The following ZNF451 variants were observed in gnomAD, a reference collection of about 807,000 sequenced individuals.
ZNF451 encodes zinc finger protein 451, also known as E3 SUMO-protein ligase ZNF451.
Under a neutral mutation model 107.1 loss-of-function variants are expected in ZNF451, and 80 were observed. That is an observed-to-expected ratio of 0.75 (90% CI 0.62 to 0.90). The LOEUF (loss-of-function observed/expected upper bound fraction) is 0.90, where lower values mean the gene tolerates loss of function less well. ZNF451 is among the 40% of genes least tolerant of loss of function. The pLI is 0.00. For synonymous variants in ZNF451, 362 were observed against 406.5 expected (o/e 0.89, Z 1.32); for missense variants, 1,107 against 1,236.2 (o/e 0.90, Z 1.57).
chr6:57,093,043 CTTATTTAGGTCTGTTGTTCTTAT>C (rs1829125617), intron 2 of ZNF451: 1 of 152,122 alleles, frequency 6.6e-6, no homozygotes, highest in African/African-American at 2.4e-5. Context: ...ACAAAAACTT[CTTATTTAGGTCTGTTGTTCTTAT>C]TTCTGTTTAG....
In ZNF451 at chr6:57,102,684, T is replaced by C. The variant is rs1362418156; in HGVS notation, c.186+3543T>C. The C allele has an allele frequency of 3.0e-6, 3 of 985,348 alleles. No homozygotes were observed. In the African/African-American group the frequency reaches 5.2e-5, roughly 17 times the overall value. 61.0% of individuals were successfully genotyped at this position (985,348 alleles called of 1,614,324 possible). ...GACTTCAGAATCAGCCATGAAGCTT[T>C]GTGTCAACTGGAATTCAAATCAAAT... On this transcript the variant is annotated intron_variant, in intron 3 of 14. Transcript: ENST00000370706.
intron 2 of ZNF451, among the ~76,000 whole-genome samples, chr6:57,097,057 A>G (rs1276136156): frequency 2.6e-5 from 4 of 152,122 alleles, no homozygotes; most frequent in African/African-American, 9.7e-5. Context: ...GGTGTGAGCC[A>G]CCGTGCATGG....
chr6:57,095,326 CTTTTTTTT>C (rs764972958), intron 2 of ZNF451, among the ~76,000 whole-genome samples: 1 of 107,806 alleles, frequency 9.3e-6, no homozygotes, highest in Non-Finnish European at 1.9e-5. Flanking sequence ...TTCTGTGATA[CTTTTTTTT>C]TTTTTTTTTT....
At chr6:57,166,885 G>A (rs368561052) in intron 14 of ZNF451, among the ~76,000 whole-genome samples, 1 of 152,156 alleles carries the variant, frequency 6.6e-6, no homozygotes, top group East Asian at 1.9e-4. Flanking sequence ...TGGGACCACT[G>A]TTGTATATGT....
At chr6:57,140,775 A>G (rs1831716788) in intron 7 of ZNF451, among the ~76,000 whole-genome samples, 1 of 152,190 alleles carries the variant, frequency 6.6e-6, no homozygotes, top group South Asian at 2.1e-4. Flanking sequence ...ATACCAGCTG[A>G]TTTTTAGGGA....
chr6:57,142,545 T>C (rs1831823199), intron 9 of ZNF451, among the ~76,000 whole-genome samples: 1 of 152,246 alleles, frequency 6.6e-6, no homozygotes, highest in South Asian at 2.1e-4. Context: ...TTGTTCCTTC[T>C]TATTGGTAAG....
chr6:57,136,955 C>T (rs1162878129), intron 7 of ZNF451, among the ~76,000 whole-genome samples: 3 of 152,190 alleles, frequency 2.0e-5, no homozygotes, highest in Non-Finnish European at 4.4e-5. Flanking sequence ...TGGTATCAGA[C>T]AGACCTGGGT....
intron 3 of ZNF451, chr6:57,109,503 G>C: frequency 1.0e-6 from 1 of 985,412 alleles, no homozygotes; most frequent in Non-Finnish European, 1.2e-6. Context: ...GCCTGATGCA[G>C]ATTTCCTTTT....
rs993465286 is a variant in ZNF451, at chr6:57,148,013, A to G, written c.1928A>G (p.Lys643Arg). 6.2e-7 allele frequency: 1 copy of G among 1,614,152 alleles called. No homozygotes were observed. The highest frequency in any genetic ancestry group is 8.5e-7 in the Non-Finnish European group (1 of 1,179,984). Reference protein sequence around the residue: ...FHRYSCAHCRKPFHKIETLYR... With the variant: ...FHRYSCAHCRRPFHKIETLYR... ...AGATACAGCTGTGCTCACTGCAGAA[A>G]GCCTTTTCATAAGATAGAAACATTG... The change falls in exon 10 of 15, where the codon AAG (lysine) becomes AGG (arginine). Residue 643 changes from lysine (K) to arginine (R), a missense_variant. By Grantham distance (26) the Lys-to-Arg change is conservative. Around this residue, in one of 5 missense-constraint regions of ZNF451, gnomAD observed 608 missense variants for 649.2 expected, o/e 0.94. Coordinates refer to ENST00000370706, the MANE Select transcript of ZNF451 (RefSeq NM_001031623.3).
chr6:57,160,600 G>A (rs12202723), intron 13 of ZNF451, among the ~76,000 whole-genome samples: 5,936 of 152,248 alleles, frequency 0.039, 171 homozygotes, highest in Non-Finnish European at 0.065. Context: ...CTCCCAAAGT[G>A]CTGGAATTAC....
intron 3 of ZNF451, chr6:57,102,533 G>A: frequency 1.2e-5 from 12 of 988,772 alleles, no homozygotes; most frequent in Non-Finnish European, 1.4e-5. Context: ...TAACTTTTAG[G>A]TTATCAGTGC....
At chr6:57,107,570 G>A (rs533629757) in intron 3 of ZNF451, 1 of 984,934 alleles carries the variant, frequency 1.0e-6, no homozygotes, top group East Asian at 1.1e-4. Flanking sequence ...AAATTTTGAA[G>A]CCCATCCCCA....
Position 57,147,433 on chromosome 6 carries a change from A to C in ZNF451, c.1348A>C (p.Asn450His). The C allele has an allele frequency of 1.2e-6, 2 of 1,614,050 alleles. No homozygotes were observed. Among genetic ancestry groups the C allele is most frequent in the Non-Finnish European group, 1.7e-6 (2 of 1,179,954 alleles). Reference protein sequence around the residue: ...ECIAIPKKKMNLKDKSHEGVA... With the variant: ...ECIAIPKKKMHLKDKSHEGVA... ...CATTGCCATTCCAAAAAAGAAGATG[A>C]ATTTAAAAGATAAAAGCCATGAAGG... The change falls in exon 10 of 15, where the codon AAT becomes CAT. Residue 450 changes from asparagine (N) to histidine (H), a missense_variant. This residue lies in a region of ZNF451 where 608 missense variants were observed against 649.2 expected (regional missense o/e 0.94). Coordinates refer to ENST00000370706, the MANE Select transcript of ZNF451 (RefSeq NM_001031623.3).
At chr6:57,164,000 T>C (rs2127989075) in intron 14 of ZNF451, among the ~76,000 whole-genome samples, 1 of 152,334 alleles carries the variant, frequency 6.6e-6, no homozygotes, top group South Asian at 2.1e-4. Context: ...TGTAAATGCC[T>C]GAGAAATAGT....
At chr6:57,168,312 T>C (rs950272153) in intron 14 of ZNF451, 111 bp from the exon 15 acceptor site, 12 of 733,628 alleles carry the variant, frequency 1.6e-5, no homozygotes, top group Middle Eastern at 3.7e-4. Context: ...GTTTTTCCAT[T>C]TTGATTTTAC....
At chr6:57,103,079 TACGC>T (rs1829683538) in intron 3 of ZNF451, 1 of 985,294 alleles carries the variant, frequency 1.0e-6, no homozygotes, top group Non-Finnish European at 1.2e-6. Flanking sequence ...ACAAAAAAGA[TACGC>T]ACATCAGTGC....
At position 57,105,262 on chromosome 6, in the gene ZNF451, T is replaced by TC. The variant is rs1829797360; in HGVS notation, c.186+6121_186+6122insC. 3 of 985,102 alleles carry TC rather than the reference T, an allele frequency of 3.0e-6. No individual in the cohort carries two copies. The African/African-American group carries it at 5.2e-5, about 17-fold the overall frequency. The allele number at this position is 985,102 out of a possible 1,614,324, so 61.0% of individuals were successfully genotyped here. Reference sequence around the variant, plus strand: ...TGATCTGGTATTCTCAAAAAGGATGTATCTAATGATCTTGATTCTTCAAAA... The same window carrying TC: ...TGATCTGGTATTCTCAAAAAGGATGTCATCTAATGATCTTGATTCTTCAAAA... On this transcript the variant is annotated intron_variant, in intron 3 of 14. Transcript: ENST00000370706.
intron 2 of ZNF451, among the ~76,000 whole-genome samples, chr6:57,097,654 G>C (rs1309920553): frequency 6.6e-6 from 1 of 152,066 alleles, no homozygotes; most frequent in African/African-American, 2.4e-5. Flanking sequence ...GCTTTTTATT[G>C]AGGCAATATG....
intron 3 of ZNF451, chr6:57,124,407 C>T (rs1562605883): frequency 5.6e-6 from 4 of 712,824 alleles, no homozygotes; most frequent in Non-Finnish European, 1.0e-5. Context: ...TTATTTACCT[C>T]TCTCTCTCTC....
Sources: allele counts gnomAD v4.1 joint callset (sites outside exome capture counted in the v4.1 genomes callset), GRCh38; gene constraint gnomAD v4.1.1; regional missense constraint gnomAD v4.1.1; transcripts MANE v1.5; gene names NCBI Gene and HGNC (gene_info 2026-07-23, HGNC 2026-07-21).